KHDRBS2: variants seen among roughly 807,000 people sequenced by gnomAD.
KHDRBS2 encodes KH RNA binding domain containing, signal transduction associated 2.
In KHDRBS2, 26 loss-of-function variants were observed where a neutral mutation model predicts 44.3. The ratio of observed to expected loss-of-function variants is 0.59; its 90% CI spans 0.43 to 0.81. The LOEUF (loss-of-function observed/expected upper bound fraction) is 0.81. Among genes scored for constraint, KHDRBS2 ranks in the 40% least tolerant of loss-of-function variants. The pLI is 0.00. For synonymous variants in KHDRBS2, 194 were observed against 151.1 expected (o/e 1.28, Z -2.08); for missense variants, 476 against 433.1 (o/e 1.10, Z -0.88).
intron 8 of KHDRBS2, among the ~76,000 whole-genome samples, chr6:61,683,652 G>C (rs1273927603): frequency 1.3e-5 from 2 of 151,808 alleles, no homozygotes; most frequent in African/African-American, 2.4e-5. Context: ...TTACTCAAAA[G>C]GGTTATCTAA....
At chr6:62,141,435 A>C (rs1398524371) in intron 2 of KHDRBS2, among the ~76,000 whole-genome samples, 1 of 152,116 alleles carries the variant, frequency 6.6e-6, no homozygotes, top group Non-Finnish European at 1.5e-5. Context: ...GGACAGAAAA[A>C]ACTTCATCCT....
intron 1 of KHDRBS2, among the ~76,000 whole-genome samples, chr6:62,223,046 G>A (rs1831161241): frequency 6.6e-6 from 1 of 152,144 alleles, no homozygotes; most frequent in Admixed American, 6.6e-5. Context: ...GCCCCAGTAG[G>A]GACTCTTTGA....
chr6:61,608,352 G>A, the KHDRBS2 span, among the ~76,000 whole-genome samples: 1 of 143,374 alleles, frequency 7.0e-6, no homozygotes, highest in Non-Finnish European at 1.5e-5. Flanking sequence ...GTGTGTGTGT[G>A]TACACCTGTA....
intron 2 of KHDRBS2, among the ~76,000 whole-genome samples, chr6:62,167,134 T>C (rs1818867110): frequency 6.6e-6 from 1 of 151,760 alleles, no homozygotes; most frequent in African/African-American, 2.4e-5. Flanking sequence ...AGGTAGAAAA[T>C]ATTGGCCTGA....
At chr6:62,071,181 G>A (rs1794981814) in intron 2 of KHDRBS2, among the ~76,000 whole-genome samples, 2 of 152,186 alleles carry the variant, frequency 1.3e-5, no homozygotes, top group South Asian at 4.2e-4. Flanking sequence ...ACTTGTTGAT[G>A]GGGTTGTTTG....
At chr6:62,276,827 A>C (rs1174633043) in intron 1 of KHDRBS2, among the ~76,000 whole-genome samples, 1 of 152,214 alleles carries the variant, frequency 6.6e-6, no homozygotes, top group Non-Finnish European at 1.5e-5. Flanking sequence ...TCTCTATCAC[A>C]GGAGACAATG....
At chr6:62,045,563 T>C (rs1787493543) in intron 3 of KHDRBS2, among the ~76,000 whole-genome samples, 2 of 152,104 alleles carry the variant, frequency 1.3e-5, no homozygotes, top group Non-Finnish European at 2.9e-5. Context: ...CATTGGAATG[T>C]AAACTCTAAG....
chr6:61,736,850 C>T (rs1775441041), intron 6 of KHDRBS2, among the ~76,000 whole-genome samples: 2 of 151,992 alleles, frequency 1.3e-5, no homozygotes, highest in South Asian at 4.2e-4. Context: ...TGTTTTCTCT[C>T]ATTGTTCTTA....
intron 1 of KHDRBS2, among the ~76,000 whole-genome samples, chr6:62,217,576 ATAAT>A (rs1434041540): frequency 5.3e-5 from 8 of 151,838 alleles, no homozygotes; most frequent in African/African-American, 1.4e-4. Flanking sequence ...AGATTGAAAA[ATAAT>A]TAGGTAGAGT....
At chr6:62,044,087 G>A (rs1479791173) in intron 3 of KHDRBS2, among the ~76,000 whole-genome samples, 1 of 151,828 alleles carries the variant, frequency 6.6e-6, no homozygotes, top group Non-Finnish European at 1.5e-5. Flanking sequence ...TTTTTTCCCT[G>A]ACTTACACAA....
the KHDRBS2 span, among the ~76,000 whole-genome samples, chr6:61,543,971 G>A: frequency 1.5e-3 from 225 of 152,014 alleles, 4 homozygotes; most frequent in African/African-American, 5.2e-3. Flanking sequence ...TGGGGCTGTA[G>A]GAGTAAGTGT....
At position 61,969,196 on chromosome 6, in the gene KHDRBS2, C is replaced by T. The variant is rs1770790607; in HGVS notation, c.483+8870G>A. Among the ~76,000 whole-genome samples, 7 of 151,974 alleles carry T rather than the reference C, an allele frequency of 4.6e-5. No individual in the cohort carries two copies. In the South Asian group the frequency reaches 1.5e-3, roughly 32 times the overall value. On this transcript the variant is annotated intron_variant, in intron 4 of 8. Transcript: ENST00000281156. ...TTTTGGATAACAGATTATTGTTGCTCATAGAACTTAAGGTTGATAATGTAA... is the reference window on the plus strand; with the variant it reads ...TTTTGGATAACAGATTATTGTTGCTTATAGAACTTAAGGTTGATAATGTAA...
intron 3 of KHDRBS2, among the ~76,000 whole-genome samples, chr6:62,034,200 A>G (rs1784842805): frequency 6.6e-6 from 1 of 151,912 alleles, no homozygotes; most frequent in South Asian, 2.1e-4. Context: ...AATTAAATAA[A>G]TAAAAAAGAC....
At chr6:61,632,447 A>T in the KHDRBS2 span, among the ~76,000 whole-genome samples, 49 of 152,310 alleles carry the variant, frequency 3.2e-4, no homozygotes, top group African/African-American at 1.1e-3. Context: ...ATCATATTTT[A>T]TTATCTTGGT....
At chr6:61,732,082 C>T (rs1468459079) in intron 7 of KHDRBS2, among the ~76,000 whole-genome samples, 1 of 151,932 alleles carries the variant, frequency 6.6e-6, no homozygotes, top group Non-Finnish European at 1.5e-5. Flanking sequence ...TTGCATCTGC[C>T]AAACGTATAC....
intron 6 of KHDRBS2, among the ~76,000 whole-genome samples, chr6:61,741,429 CTATT>C (rs1302448628): frequency 4.6e-5 from 7 of 151,868 alleles, no homozygotes; most frequent in African/African-American, 1.7e-4. Context: ...TGTTTTGAAA[CTATT>C]TTATTACATC....
chr6:62,067,597 CA>C (rs1431085209), intron 2 of KHDRBS2, among the ~76,000 whole-genome samples: 1 of 151,332 alleles, frequency 6.6e-6, no homozygotes, highest in Admixed American at 6.6e-5. Context: ...GTTTACGTAC[CA>C]TAAAATTAGT....
chr6:61,933,297 G>T (rs1316691342), intron 4 of KHDRBS2, among the ~76,000 whole-genome samples: 1 of 152,130 alleles, frequency 6.6e-6, no homozygotes, highest in Non-Finnish European at 1.5e-5. Flanking sequence ...CTCCCATGAA[G>T]TCCCTCCTCC....
chr6:62,099,100 G>A (rs756981621), intron 2 of KHDRBS2, among the ~76,000 whole-genome samples: 21 of 152,100 alleles, frequency 1.4e-4, no homozygotes, highest in Admixed American at 2.6e-4. Flanking sequence ...TAAATTATCC[G>A]TTTCTAAGAA....
Sources: allele counts gnomAD v4.1 joint callset (sites outside exome capture counted in the v4.1 genomes callset), GRCh38; gene constraint gnomAD v4.1.1; transcripts MANE v1.5; gene names NCBI Gene and HGNC (gene_info 2026-07-23, HGNC 2026-07-21).